Variants in MTUS2 observed in about 807,000 individuals in gnomAD.
MTUS2 encodes microtubule-associated tumor suppressor candidate 2.
In MTUS2, 40 loss-of-function variants were observed where a neutral mutation model predicts 114.1. That is an observed-to-expected ratio of 0.35 (90% CI 0.27 to 0.46). The LOEUF (loss-of-function observed/expected upper bound fraction) is 0.46. MTUS2 is among the 20% of genes least tolerant of loss of function. The probability of loss-of-function intolerance (pLI) is 1.00; values close to 1 mark genes in which losing one functional copy is unlikely to be tolerated. For synonymous variants in MTUS2, 688 were observed against 672.0 expected, an observed-to-expected ratio of 1.02 and a Z score of -0.37; for missense variants, 1,679 against 1,705.4, an observed-to-expected ratio of 0.98 and a Z score of 0.27.
chr13:29,195,061 C>G (rs1016265021), intron 5 of MTUS2, among the ~76,000 whole-genome samples: 1 of 133,636 alleles, frequency 7.5e-6, no homozygotes, highest in Admixed American at 9.1e-5. Flanking sequence ...CACATGGACA[C>G]AGGAAGGGGA....
At chr13:29,492,160 GGT>G (rs1269834054) in intron 11 of MTUS2, among the ~76,000 whole-genome samples, 1 of 2,424 alleles carries the variant, frequency 4.1e-4, no homozygotes, top group African/African-American at 1.1e-3. Context: ...ATGTGTGTGT[GGT>G]GTGTATGTGA....
intron 5 of MTUS2, among the ~76,000 whole-genome samples, chr13:29,212,322 A>C (rs1296709733): frequency 6.6e-6 from 1 of 151,932 alleles, no homozygotes; most frequent in Non-Finnish European, 1.5e-5. Flanking sequence ...TGGATGATTA[A>C]AAAAAAACCC....
intron 8 of MTUS2, among the ~76,000 whole-genome samples, chr13:29,395,513 A>G (rs1873845320): frequency 6.6e-6 from 1 of 152,114 alleles, no homozygotes; most frequent in Non-Finnish European, 1.5e-5. Flanking sequence ...TGAGGAAAAG[A>G]AGAGGGAGAT....
chr13:29,358,817 C>G (rs1262152124), intron 7 of MTUS2, among the ~76,000 whole-genome samples: 1 of 152,136 alleles, frequency 6.6e-6, no homozygotes, highest in South Asian at 2.1e-4. Context: ...AGAGCAGCCT[C>G]TACGGCGAAG....
chr13:29,378,189 G>A (rs976682232), intron 8 of MTUS2, among the ~76,000 whole-genome samples: 2 of 152,042 alleles, frequency 1.3e-5, no homozygotes, highest in Admixed American at 1.3e-4. Flanking sequence ...TTATTTATAT[G>A]CATCTGTATA....
At chr13:29,108,035 G>T (rs1444386812) in intron 5 of MTUS2, among the ~76,000 whole-genome samples, 1 of 152,150 alleles carries the variant, frequency 6.6e-6, no homozygotes, top group Non-Finnish European at 1.5e-5. Context: ...TAACTTTAGG[G>T]TTTACACTGA....
chr13:29,416,309 T>C (rs993686419), intron 8 of MTUS2, among the ~76,000 whole-genome samples: 1 of 152,100 alleles, frequency 6.6e-6, no homozygotes, highest in East Asian at 1.9e-4. Flanking sequence ...CTTTATTCTG[T>C]CTTCCATCCC....
intron 8 of MTUS2, among the ~76,000 whole-genome samples, chr13:29,403,182 G>T (rs1406253620): frequency 2.0e-5 from 3 of 152,060 alleles, no homozygotes; most frequent in Non-Finnish European, 4.4e-5. Flanking sequence ...TTTGCCCCTG[G>T]GCCCTGTGCA....
intron 14 of MTUS2, among the ~76,000 whole-genome samples, chr13:29,500,131 C>T (rs1261990597): frequency 6.6e-6 from 1 of 152,234 alleles, no homozygotes; most frequent in East Asian, 1.9e-4. Context: ...CTGATTTTAG[C>T]CATCCTCCAG....
intron 2 of MTUS2, among the ~76,000 whole-genome samples, chr13:28,911,524 C>T (rs901201636): frequency 2.3e-4 from 35 of 152,122 alleles, no homozygotes; most frequent in Non-Finnish European, 8.8e-5. Flanking sequence ...TACCCAGTAA[C>T]GAGATTGCTG....
chr13:28,937,081 G>A (rs1881940929), intron 2 of MTUS2, among the ~76,000 whole-genome samples: 1 of 152,184 alleles, frequency 6.6e-6, no homozygotes, highest in African/African-American at 2.4e-5. Context: ...TAACAGTGAT[G>A]CTCAGAAGGA....
At chr13:28,824,328 T>G (rs1874118404) in intron 1 of MTUS2, among the ~76,000 whole-genome samples, 2 of 152,228 alleles carry the variant, frequency 1.3e-5, no homozygotes, top group South Asian at 2.1e-4. Flanking sequence ...CTGTGAGCCA[T>G]TCCTTTGAAG....
chr13:28,990,349 C>G (rs976591353), intron 2 of MTUS2, among the ~76,000 whole-genome samples: 8 of 152,122 alleles, frequency 5.3e-5, no homozygotes, highest in African/African-American at 1.9e-4. Context: ...GGATTTTGCT[C>G]TAAGAGTGAG....
chr13:29,255,405 A>G (rs1897258069), intron 5 of MTUS2, among the ~76,000 whole-genome samples: 1 of 152,158 alleles, frequency 6.6e-6, no homozygotes, highest in Non-Finnish European at 1.5e-5. Flanking sequence ...CATTTTGACT[A>G]TTTACACACA....
intron 9 of MTUS2, among the ~76,000 whole-genome samples, chr13:29,459,317 A>G (rs957731914): frequency 6.6e-6 from 1 of 152,198 alleles, no homozygotes; most frequent in African/African-American, 2.4e-5. Flanking sequence ...ATACTTGATC[A>G]GGGAGTCATC....
At chr13:29,268,302 G>C (rs1267983160) in intron 5 of MTUS2, among the ~76,000 whole-genome samples, 3 of 152,196 alleles carry the variant, frequency 2.0e-5, no homozygotes, top group Non-Finnish European at 4.4e-5. Context: ...ATTTGAGGAA[G>C]AGGCCTTTTG....
At chr13:29,197,957 T>G (rs1300295823) in intron 5 of MTUS2, among the ~76,000 whole-genome samples, 2 of 152,236 alleles carry the variant, frequency 1.3e-5, no homozygotes, top group Non-Finnish European at 2.9e-5. Context: ...ATTAGCCCTT[T>G]GTCAGATAAA....
In MTUS2 at chr13:29,026,330, G is replaced by A; in HGVS notation, c.1632G>A (p.Met544Ile). The change falls in exon 3 of 16, where the codon ATG (methionine) becomes ATA (isoleucine). Residue 544 changes from methionine (M) to isoleucine (I), a missense_variant. Coordinates refer to ENST00000612955, the MANE Select transcript of MTUS2 (RefSeq NM_001033602.4). ...TCCACCCAGAGACAACTGTGAACATGACCTACCAGCCTACAACACCCAGTA... is the reference window on the plus strand; with the variant it reads ...TCCACCCAGAGACAACTGTGAACATAACCTACCAGCCTACAACACCCAGTA... ...APLHPETTVN[M>I]TYQPTTPSSS... The A allele has an allele frequency of 6.2e-7, 1 of 1,613,966 alleles. No homozygotes were observed. Among genetic ancestry groups the A allele is most frequent in the Non-Finnish European group, 8.5e-7 (1 of 1,179,884 alleles).
rs1224709422 is a variant in MTUS2, at chr13:29,389,549, A to G, written c.3117+30076A>G. Among the ~76,000 whole-genome samples, 7 of 86,448 alleles carry G rather than the reference A, an allele frequency of 8.1e-5. 1 individual carries two copies. Among genetic ancestry groups the G allele is most frequent in the South Asian group, 8.3e-4 (2 of 2,410 alleles). 56.7% of individuals were successfully genotyped at this position (86,448 alleles called of 152,430 possible). A position where few individuals can be genotyped will look rare whatever the true frequency, so the allele number is the denominator to read the frequency against. ...TATATGTATACACGTGTGTATATGT[A>G]TACACGTGTGTATATGTGTACATAT... On this transcript the variant is annotated intron_variant, in intron 8 of 15. Coordinates refer to ENST00000612955, the MANE Select transcript of MTUS2 (RefSeq NM_001033602.4).
Sources: allele counts gnomAD v4.1 joint callset (sites outside exome capture counted in the v4.1 genomes callset), GRCh38; gene constraint gnomAD v4.1.1; transcripts MANE v1.5; gene names NCBI Gene and HGNC (gene_info 2026-07-23, HGNC 2026-07-21).